Variants in NEDD9 observed in about 807,000 individuals in gnomAD.
The protein encoded by NEDD9 is neural precursor cell expressed, developmentally down-regulated 9.
A neutral mutation model predicts 76.6 loss-of-function variants in NEDD9; 26 were observed. That is an observed-to-expected ratio of 0.34 (90% CI 0.25 to 0.47). The LOEUF is 0.47. NEDD9 is among the 20% of genes least tolerant of loss of function. The pLI, the probability that NEDD9 is intolerant of heterozygous loss-of-function variation, is 1.00. For missense variants in NEDD9, 937 were observed against 1,058.5 expected, an observed-to-expected ratio of 0.89 and a Z score of 1.59; for synonymous variants, 392 against 414.2, an observed-to-expected ratio of 0.95 and a Z score of 0.65.
intron 2 of NEDD9, chr6:11,200,422 C>T (rs960590463): frequency 2.7e-6 from 2 of 740,478 alleles, no homozygotes; most frequent in South Asian, 2.1e-5. Flanking sequence ...TACAAATGTA[C>T]TGAAAATACA....
chr6:11,330,175 G>A (rs2113496848), intron 2 of NEDD9, among the ~76,000 whole-genome samples: 1 of 152,336 alleles, frequency 6.6e-6, no homozygotes, highest in South Asian at 2.1e-4. Context: ...AGTCCATACA[G>A]CGGGAGCTTA....
chr6:11,324,556 A>G (rs2113481066), intron 2 of NEDD9, among the ~76,000 whole-genome samples: 1 of 152,302 alleles, frequency 6.6e-6, no homozygotes, highest in Admixed American at 6.5e-5. Flanking sequence ...ACCGTATTAA[A>G]ATTGTAATAA....
rs534872452 is a variant in NEDD9 at position 11,185,314 on chromosome 6, C to G, written c.2353G>C (p.Glu785Gln). The change falls in exon 7 of 7, where the codon GAG becomes CAG. Residue 785 changes from glutamate to glutamine, a missense_variant. Physicochemically the swap from Glu to Gln is conservative, Grantham distance 29. Transcript: ENST00000379446. The stretch of plus-strand genomic sequence containing the variant: ...GCCATGACTATGGTCTTGAGCTGCT[C>G]GCAGAGCTGGTTGCTGGAGTTCATG... Reference protein sequence around the residue: ...KVMNSSNQLCEQLKTIVMATK... With the variant: ...KVMNSSNQLCQQLKTIVMATK... The G allele has an allele frequency of 1.2e-6, 2 of 1,614,152 alleles. No individual in the cohort carries two copies. Among genetic ancestry groups the G allele is most frequent in the East Asian group, 2.2e-5 (1 of 44,874 alleles).
chr6:11,305,386 G>A, intron 3 of NEDD9: 1 of 282,542 alleles, frequency 3.5e-6, no homozygotes, highest in South Asian at 3.3e-5. Flanking sequence ...AGATCTTTGT[G>A]ACCCTCAATG....
intron 1 of NEDD9, among the ~76,000 whole-genome samples, chr6:11,353,079 G>A (rs558206968): frequency 6.6e-6 from 1 of 152,246 alleles, no homozygotes; most frequent in African/African-American, 2.4e-5. Context: ...TCCTGTCGGG[G>A]TCCCAGGCTC....
In NEDD9 at chr6:11,306,156, C is replaced by T; in HGVS notation, c.-152-1G>A. ...TTACGGACCTCACAGCTTACTGAATCTGAAAACAGGAGATAGAGATGGAAA... is the reference window on the plus strand; with the variant it reads ...TTACGGACCTCACAGCTTACTGAATTTGAAAACAGGAGATAGAGATGGAAA... On this transcript the variant is annotated splice_acceptor_variant, in intron 2 of 3. Coordinates refer to the NEDD9 transcript ENST00000397378. LOFTEE classifies it low-confidence loss of function (5UTR_SPLICE). 9.2e-6 allele frequency: 8 copies of T among 867,740 alleles called. No homozygotes were observed. The South Asian group carries it at 1.2e-4, about 13-fold the overall frequency. 53.8% of individuals were successfully genotyped at this position (867,740 alleles called of 1,614,324 possible).
chr6:11,329,627 T>C (rs1386016049), intron 2 of NEDD9, among the ~76,000 whole-genome samples: 1 of 152,164 alleles, frequency 6.6e-6, no homozygotes, highest in Non-Finnish European at 1.5e-5. Flanking sequence ...CCTCCCCTCT[T>C]AGAGCTTACA....
At chr6:11,376,999 A>G (rs538060187) in intron 1 of NEDD9, among the ~76,000 whole-genome samples, 60 of 152,374 alleles carry the variant, frequency 3.9e-4, no homozygotes, top group African/African-American at 1.4e-3. Flanking sequence ...GACACAAGCC[A>G]TAAGCCTTGG....
intron 1 of NEDD9, among the ~76,000 whole-genome samples, chr6:11,218,345 CTT>C (rs35407775): frequency 0.024 from 3,362 of 141,044 alleles, 48 homozygotes; most frequent in South Asian, 0.041. Context: ...TCTTCAGCAA[CTT>C]TTTTTTTTTT....
chr6:11,325,230 C>T (rs1683839461), intron 2 of NEDD9, among the ~76,000 whole-genome samples: 1 of 152,010 alleles, frequency 6.6e-6, no homozygotes, highest in Non-Finnish European at 1.5e-5. Context: ...TGCCGGGTGC[C>T]TGTAATCCCA....
At position 11,330,173 on chromosome 6, in the gene NEDD9, C is replaced by T. The variant is rs115044950; in HGVS notation, c.-153+4328G>A. 3.6e-3 allele frequency among the ~76,000 whole-genome samples: 555 copies of T among 152,326 alleles called. 2 individuals carry two copies. The highest frequency in any genetic ancestry group is 5.5e-3 in the Non-Finnish European group (374 of 68,024). Reference sequence around the variant, plus strand: ...CTCTGTTAGGCAGCACGAGTCCATACAGCGGGAGCTTAGATGCACTGAGAT... The same window carrying T: ...CTCTGTTAGGCAGCACGAGTCCATATAGCGGGAGCTTAGATGCACTGAGAT... On this transcript the variant is annotated intron_variant, in intron 2 of 3. Coordinates refer to the NEDD9 transcript ENST00000397378.
chr6:11,202,315 T>C (rs1758475394), intron 2 of NEDD9, among the ~76,000 whole-genome samples: 1 of 144,940 alleles, frequency 6.9e-6, no homozygotes, highest in African/African-American at 2.6e-5. Context: ...CAAAACTGCC[T>C]GTTGGAAAGG....
At chr6:11,192,529 A>G in intron 3 of NEDD9, 83 bp from the exon 4 acceptor site, 1 of 922,252 alleles carries the variant, frequency 1.1e-6, no homozygotes, top group Non-Finnish European at 1.7e-6. Context: ...TTAATTATGG[A>G]TTTATTTACC....
In NEDD9 at chr6:11,291,376, G is replaced by C. The variant is rs578155518; in HGVS notation, c.12+14616C>G. On this transcript the variant is annotated intron_variant, in intron 3 of 3. Coordinates refer to the NEDD9 transcript ENST00000397378. ...TGCAAGCTCCGCCTCCCGGGTTCAC[G>C]CCATTCTCCTGCCTCAGCCTCCCCA... is the stretch of plus-strand genomic sequence containing the variant. Among the ~76,000 whole-genome samples, 71 of 144,190 alleles carry C rather than the reference G, an allele frequency of 4.9e-4. 2 individuals are homozygous for C. Among genetic ancestry groups the C allele is most frequent in the Admixed American group, 3.7e-4 (5 of 13,664 alleles). 94.6% of individuals were successfully genotyped at this position (144,190 alleles called of 152,430 possible). A position where few individuals can be genotyped will look rare whatever the true frequency, so the allele number is the denominator to read the frequency against.
At chr6:11,335,547 CAA>C (rs1171628136) in intron 1 of NEDD9, among the ~76,000 whole-genome samples, 1 of 152,204 alleles carries the variant, frequency 6.6e-6, no homozygotes, top group Non-Finnish European at 1.5e-5. Context: ...AATTGGGCTA[CAA>C]AGTTTTGCCT....
At chr6:11,321,286 C>G (rs1188432312) in intron 2 of NEDD9, among the ~76,000 whole-genome samples, 1 of 151,990 alleles carries the variant, frequency 6.6e-6, no homozygotes, top group African/African-American at 2.4e-5. Flanking sequence ...CAAATAAAAG[C>G]GAAGGCCACC....
At chr6:11,232,039 G>A (rs767999461) in intron 1 of NEDD9, among the ~76,000 whole-genome samples, 5 of 152,206 alleles carry the variant, frequency 3.3e-5, no homozygotes, top group Non-Finnish European at 7.4e-5. Context: ...CTCCTTCCGA[G>A]ACCAAACGAT....
chr6:11,341,957 C>T (rs1368785978), intron 1 of NEDD9, among the ~76,000 whole-genome samples: 1 of 151,868 alleles, frequency 6.6e-6, no homozygotes, highest in Non-Finnish European at 1.5e-5. Context: ...ACAAATGGCC[C>T]TAAGTTGTGA....
intron 2 of NEDD9, among the ~76,000 whole-genome samples, chr6:11,312,240 A>G (rs1287145442): frequency 6.6e-6 from 1 of 151,780 alleles, no homozygotes; most frequent in East Asian, 1.9e-4. Flanking sequence ...CCAAATGGAT[A>G]TTTTCAGCTT....
Sources: allele counts gnomAD v4.1 joint callset (sites outside exome capture counted in the v4.1 genomes callset), GRCh38; gene constraint gnomAD v4.1.1; transcripts MANE v1.5; gene names NCBI Gene and HGNC (gene_info 2026-07-23, HGNC 2026-07-21).